The following PCDHA6 variants were observed in gnomAD, a reference collection of about 807,000 sequenced individuals.
The protein encoded by PCDHA6 is protocadherin alpha-6.
In PCDHA6, 55 loss-of-function variants were observed where a neutral mutation model predicts 60.3. The ratio of observed to expected loss-of-function variants is 0.91; its 90% CI spans 0.73 to 1.14. The LOEUF (loss-of-function observed/expected upper bound fraction) is 1.14. Ranked by LOEUF, PCDHA6 falls within the 50% of genes most tolerant of loss-of-function variation. The pLI, the probability that PCDHA6 is intolerant of heterozygous loss-of-function variation, is 0.00. For synonymous variants in PCDHA6, 652 were observed against 557.9 expected (o/e 1.17, Z -2.38); for missense variants, 1,327 against 1,256.5 (o/e 1.06, Z -0.85).
intron 1 of PCDHA6, among the ~76,000 whole-genome samples, chr5:140,888,454 A>G (rs1167294283): frequency 6.6e-6 from 1 of 152,234 alleles, no homozygotes; most frequent in Non-Finnish European, 1.5e-5. Context: ...ATAAAGAATT[A>G]GCTCAAAATG....
At chr5:140,856,541 G>GCATT in intron 1 of PCDHA6, 4 of 1,598,164 alleles carry the variant, frequency 2.5e-6, no homozygotes, top group Non-Finnish European at 3.4e-6. Flanking sequence ...TGGAGAGAAC[G>GCATT]CATTGCTTAC....
chr5:141,011,750 A>T lies in PCDHA6; in HGVS notation c.*1813A>T, dbSNP rs1554263628. The T allele has an allele frequency of 6.5e-6, 1 of 153,696 alleles. No individual in the cohort carries two copies. Among genetic ancestry groups the T allele is most frequent in the Non-Finnish European group, 1.5e-5 (1 of 68,036 alleles). 9.5% of individuals were successfully genotyped at this position (153,696 alleles called of 1,614,324 possible). A position where few individuals can be genotyped will look rare whatever the true frequency, so the allele number is the denominator to read the frequency against. On this transcript the variant is annotated 3_prime_UTR_variant, in exon 4 of 4. Transcript: ENST00000529310. ...TGCAAGCACAAATTTTACCAATCTG[A>T]CCTCTTTGAAGTTGCAGAATGCTTT... is the stretch of plus-strand genomic sequence containing the variant.
intron 1 of PCDHA6, chr5:140,850,667 G>A (rs2150492921): frequency 2.5e-6 from 4 of 1,598,380 alleles, no homozygotes; most frequent in East Asian, 2.2e-5. Flanking sequence ...TGCGGTGCTC[G>A]GCGATGCCCA....
chr5:140,848,876 C>T (rs2150423222), intron 1 of PCDHA6: 4 of 1,590,940 alleles, frequency 2.5e-6, no homozygotes, highest in Admixed American at 1.7e-5. Context: ...AGGACATTAA[C>T]GACAACCCTC....
At chr5:140,994,188 G>T (rs1156320589) in intron 3 of PCDHA6, among the ~76,000 whole-genome samples, 1 of 152,080 alleles carries the variant, frequency 6.6e-6, no homozygotes, top group Non-Finnish European at 1.5e-5. Flanking sequence ...AAACCACCAG[G>T]GCCTGTTGGT....
intron 1 of PCDHA6, among the ~76,000 whole-genome samples, chr5:140,945,145 T>C (rs1310475283): frequency 2.6e-5 from 4 of 152,128 alleles, no homozygotes; most frequent in African/African-American, 2.4e-5. Flanking sequence ...CAATAGCATT[T>C]CTATACACTA....
rs533760082 is a variant in PCDHA6 at position 140,985,940 on chromosome 5, T to C, written c.2542+3377T>C. On this transcript the variant is annotated intron_variant, in intron 3 of 3. Coordinates refer to ENST00000529310, the MANE Select transcript of PCDHA6 (RefSeq NM_018909.4). ...ATTTTTAGTAGAGCCGGGGTTTCAC[T>C]GTGTTAGCCAGGATGGTCTCAATCT... is the stretch of plus-strand genomic sequence containing the variant. Among the ~76,000 whole-genome samples, 4 of 151,946 alleles carry C rather than the reference T, an allele frequency of 2.6e-5. No homozygotes were observed. In the South Asian group the frequency reaches 6.2e-4, roughly 24 times the overall value.
intron 1 of PCDHA6, among the ~76,000 whole-genome samples, chr5:140,837,613 G>A (rs1775147694): frequency 6.7e-6 from 1 of 149,168 alleles, no homozygotes. Flanking sequence ...TTTATAATTT[G>A]CCCCTTCCTT....
At chr5:140,978,873 A>G in intron 1 of PCDHA6, 76 bp from the exon 2 acceptor site, 2 of 1,608,618 alleles carry the variant, frequency 1.2e-6, no homozygotes, top group Non-Finnish European at 1.7e-6. Flanking sequence ...TAAGGGAGTA[A>G]CTAATCAATT....
chr5:140,836,612 C>G, intron 1 of PCDHA6: 2 of 1,613,634 alleles, frequency 1.2e-6, no homozygotes, highest in Non-Finnish European at 1.7e-6. Flanking sequence ...TGTGCTCCAG[C>G]GCGGTGGGGA....
At chr5:140,882,435 T>C in intron 1 of PCDHA6, 2 of 1,614,036 alleles carry the variant, frequency 1.2e-6, no homozygotes, top group East Asian at 4.5e-5. Context: ...GGGCTGGAGC[T>C]GGCGGAGCTG....
chr5:140,841,203 T>C, intron 1 of PCDHA6: 1 of 1,324,274 alleles, frequency 7.6e-7, no homozygotes, highest in Non-Finnish European at 1.0e-6. Flanking sequence ...TCTGACAGCA[T>C]CTGTCTCTAA....
At chr5:140,883,609 C>T (rs2059699123) in intron 1 of PCDHA6, 1 of 1,614,032 alleles carries the variant, frequency 6.2e-7, no homozygotes, top group Non-Finnish European at 8.5e-7. Flanking sequence ...GGGTGGCCGA[C>T]GTGAACGACA....
intron 1 of PCDHA6, chr5:140,966,564 T>A (rs1342180377): frequency 2.0e-6 from 1 of 488,548 alleles, no homozygotes; most frequent in Non-Finnish European, 3.4e-6. Context: ...GGAGCTGGAA[T>A]ATGGGGAGTC....
intron 2 of PCDHA6, among the ~76,000 whole-genome samples, chr5:140,980,947 G>T (rs1430215851): frequency 6.6e-6 from 1 of 152,032 alleles, no homozygotes; most frequent in Non-Finnish European, 1.5e-5. Context: ...GCTGGCTCCA[G>T]GATAGTTACA....
Position 140,830,284 on chromosome 5 carries a change from G to T in PCDHA6, c.2193G>T (p.Ala731=), listed in dbSNP as rs2150184332. 7 of 1,613,854 alleles carry T rather than the reference G, an allele frequency of 4.3e-6. No homozygotes were observed. Among genetic ancestry groups the T allele is most frequent in the Non-Finnish European group, 5.9e-6 (7 of 1,179,866 alleles). Residue 731 remains alanine, a synonymous_variant, in exon 1 of 4, where the codon GCG becomes GCT. Transcript: ENST00000529310. ...GCTCGGCGCCACCCACCGAGGGCGC[G>T]TGCACGGCGGACAAGCCCACGCTGG... The part of the protein sequence containing the change: ...LRCSAPPTEG[A]CTADKPTLVC...
chr5:140,842,130 A>G (rs2150330073), intron 1 of PCDHA6: 80 of 1,613,774 alleles, frequency 5.0e-5, no homozygotes, highest in Non-Finnish European at 6.6e-5. Context: ...TCTGATCCGG[A>G]TGAAGGAGCC....
chr5:140,985,759 T>TTTTA (rs2097169056), intron 3 of PCDHA6, among the ~76,000 whole-genome samples: 2 of 149,086 alleles, frequency 1.3e-5, no homozygotes, highest in East Asian at 2.0e-4. Context: ...TTTTTTTTTT[T>TTTTA]GAGACAGTCT....
chr5:140,857,371 T>C (rs1203627643), intron 1 of PCDHA6: 2 of 1,598,092 alleles, frequency 1.3e-6, no homozygotes, highest in African/African-American at 2.7e-5. Flanking sequence ...CCAGCGTGTC[T>C]GTGGAGGTGG....
Sources: allele counts gnomAD v4.1 joint callset (sites outside exome capture counted in the v4.1 genomes callset), GRCh38; gene constraint gnomAD v4.1.1; transcripts MANE v1.5; gene names NCBI Gene and HGNC (gene_info 2026-07-23, HGNC 2026-07-21).